The following GRHL2 variants were observed in gnomAD, a reference collection of about 807,000 sequenced individuals.
GRHL2 encodes the protein grainyhead like transcription factor 2, also known as grainyhead-like protein 2 homolog.
GRHL2 carries 21 observed loss-of-function variants against 83.8 expected under a neutral mutation model. The observed-to-expected ratio is 0.25, with a 90% confidence interval of 0.18 to 0.36. The LOEUF is 0.36. Among genes scored for constraint, GRHL2 ranks in the 10% least tolerant of loss-of-function variants. The pLI, the probability that GRHL2 is intolerant of heterozygous loss-of-function variation, is 1.00. For missense variants in GRHL2, 623 were observed against 781.8 expected, an observed-to-expected ratio of 0.80 and a Z score of 2.42; for synonymous variants, 280 against 278.9, an observed-to-expected ratio of 1.00 and a Z score of -0.04.
rs747385578 is a variant in GRHL2 at position 101,644,266 on chromosome 8, G to A, written c.1612+41G>A. Reference sequence around the variant, plus strand: ...GGGCATGCCCTCTCAGAAGGGATGCGGGGTGTCTCTCCCAAGAAGAGCTTG... The same window carrying A: ...GGGCATGCCCTCTCAGAAGGGATGCAGGGTGTCTCTCCCAAGAAGAGCTTG... On this transcript the variant is annotated intron_variant, in intron 13 of 15. Transcript: ENST00000646743. The A allele has an allele frequency of 4.3e-5, 64 of 1,492,544 alleles. No homozygotes were observed. In the Middle Eastern group the frequency reaches 8.1e-4, roughly 19 times the overall value. The allele number at this position is 1,492,544 out of a possible 1,614,324, so 92.5% of individuals were successfully genotyped here.
In GRHL2 at chr8:101,580,499, C is replaced by T. The variant is rs1337980231; in HGVS notation, c.1003+2980C>T. Among the ~76,000 whole-genome samples the T allele has an allele frequency of 2.7e-5, 4 of 146,720 alleles. No individual in the cohort carries two copies. In the East Asian group the frequency reaches 7.9e-4, roughly 29 times the overall value. ...AGCCAGGGTGACCTCAAGTGATCTG[C>T]CTGCCTCGGCCTCCCAAAGTGCTGG... On this transcript the variant is annotated intron_variant, in intron 7 of 15. Coordinates refer to ENST00000646743, the MANE Select transcript of GRHL2 (RefSeq NM_024915.4).
intron 12 of GRHL2, among the ~76,000 whole-genome samples, chr8:101,637,199 G>A (rs35234521): frequency 1.6e-4 from 25 of 151,974 alleles, no homozygotes; most frequent in Non-Finnish European, 5.9e-5. Flanking sequence ...CTAAGGGACC[G>A]ATCCCTTCCA....
chr8:101,517,253 C>T (rs1810591360), intron 1 of GRHL2, among the ~76,000 whole-genome samples: 1 of 152,170 alleles, frequency 6.6e-6, no homozygotes, highest in Non-Finnish European at 1.5e-5. Context: ...CTTCTCCCTG[C>T]CCCCTTCCCA....
intron 1 of GRHL2, among the ~76,000 whole-genome samples, chr8:101,498,364 C>T (rs1810151328): frequency 6.6e-6 from 1 of 152,190 alleles, no homozygotes; most frequent in Admixed American, 6.5e-5. Flanking sequence ...AAGTGATCCA[C>T]CCACCTTAGC....
chr8:101,620,808 A>G (rs966560888), intron 9 of GRHL2, among the ~76,000 whole-genome samples: 1 of 152,182 alleles, frequency 6.6e-6, no homozygotes, highest in African/African-American at 2.4e-5. Flanking sequence ...GAGGGTACAG[A>G]TCTAGTGGAT....
intron 1 of GRHL2, among the ~76,000 whole-genome samples, chr8:101,541,284 C>G (rs558147763): frequency 6.6e-6 from 1 of 151,550 alleles, no homozygotes; most frequent in Non-Finnish European, 1.5e-5. Context: ...AATAAACATA[C>G]AAGTGGAGGT....
rs776382416 is a variant in GRHL2 at position 101,599,157 on chromosome 8, T to C, written c.1098+6T>C. 2.2e-5 allele frequency: 35 copies of C among 1,568,656 alleles called. No homozygotes were observed. In the African/African-American group the frequency reaches 4.5e-4, roughly 20 times the overall value. On this transcript the variant is annotated splice_donor_region_variant and intron_variant, in intron 8 of 15. Transcript: ENST00000646743. ...ACGTGAATGAAGAGGCGAAGGTGAG[T>C]GACATTGATTCATTGTTTATACCTC...
intron 14 of GRHL2, among the ~76,000 whole-genome samples, chr8:101,650,635 G>A (rs764743382): frequency 2.3e-4 from 35 of 152,118 alleles, no homozygotes; most frequent in Non-Finnish European, 4.0e-4. Flanking sequence ...AGGCAAGTTA[G>A]TGGTTGCCAG....
chr8:101,552,302 T>C (rs1311563714), intron 2 of GRHL2, among the ~76,000 whole-genome samples: 1 of 151,856 alleles, frequency 6.6e-6, no homozygotes, highest in Non-Finnish European at 1.5e-5. Flanking sequence ...GAGGGGAGGG[T>C]AGCTCCCTGT....
chr8:101,507,605 T>A lies in GRHL2; in HGVS notation c.20+14816T>A, dbSNP rs564061616. Among the ~76,000 whole-genome samples, 13 of 152,140 alleles carry A rather than the reference T, an allele frequency of 8.5e-5. 1 individual carries two copies. The highest frequency in any genetic ancestry group is 1.5e-4 in the Non-Finnish European group (10 of 68,020). ...TTATATACTGTTTAGTAACATTTTT[T>A]AAATTGATACTTATTACAGATAGCT... On this transcript the variant is annotated intron_variant, in intron 1 of 15. Coordinates refer to ENST00000646743, the MANE Select transcript of GRHL2 (RefSeq NM_024915.4).
chr8:101,628,909 G>A (rs1027702227), intron 9 of GRHL2, among the ~76,000 whole-genome samples: 3 of 152,094 alleles, frequency 2.0e-5, no homozygotes, highest in African/African-American at 7.2e-5. Context: ...GAACATATGA[G>A]GAGTTGCATC....
chr8:101,530,814 C>G (rs891241504), intron 1 of GRHL2, among the ~76,000 whole-genome samples: 1 of 152,152 alleles, frequency 6.6e-6, no homozygotes, highest in African/African-American at 2.4e-5. Flanking sequence ...TGGATATCAT[C>G]CTCTGTTATA....
chr8:101,498,119 A>C (rs1038803468), intron 1 of GRHL2, among the ~76,000 whole-genome samples: 7 of 151,990 alleles, frequency 4.6e-5, no homozygotes, highest in Non-Finnish European at 8.8e-5. Flanking sequence ...TTACATTTTT[A>C]TTTATTTATT....
intron 8 of GRHL2, among the ~76,000 whole-genome samples, chr8:101,606,764 C>T (rs1256547014): frequency 6.6e-6 from 1 of 152,178 alleles, no homozygotes; most frequent in African/African-American, 2.4e-5. Flanking sequence ...TTCCTCCACT[C>T]ACCTCCTCTC....
chr8:101,568,098 T>A (rs1435137047), intron 4 of GRHL2, among the ~76,000 whole-genome samples: 3 of 152,236 alleles, frequency 2.0e-5, no homozygotes, highest in Non-Finnish European at 2.9e-5. Context: ...ATGGAAATTT[T>A]TTTTAATACT....
chr8:101,558,155 G>A (rs1182856957), intron 3 of GRHL2, among the ~76,000 whole-genome samples: 1 of 152,092 alleles, frequency 6.6e-6, no homozygotes, highest in African/African-American at 2.4e-5. Flanking sequence ...ATGAGGCACC[G>A]CGCCTGGCCT....
chr8:101,570,276 T>C (rs1207203931), intron 4 of GRHL2, 63 bp from the exon 5 acceptor site: 35 of 1,182,182 alleles, frequency 3.0e-5, no homozygotes, highest in Non-Finnish European at 1.3e-6. Flanking sequence ...ATACATTTAT[T>C]ATTATCATTT....
At chr8:101,633,568 A>G (rs1382603931) in intron 11 of GRHL2, among the ~76,000 whole-genome samples, 2 of 152,178 alleles carry the variant, frequency 1.3e-5, no homozygotes, top group African/African-American at 2.4e-5. Context: ...GTTATTCATG[A>G]CCCAACATGG....
chr8:101,637,299 G>A (rs1398258562), intron 12 of GRHL2, among the ~76,000 whole-genome samples: 1 of 152,138 alleles, frequency 6.6e-6, no homozygotes, highest in African/African-American at 2.4e-5. Flanking sequence ...ATCAAGATGA[G>A]CTTGAGGCAA....
Sources: gnomAD v4.1 joint callset for allele counts (sites outside exome capture counted in the v4.1 genomes callset) on GRCh38, gnomAD v4.1.1 for gene constraint, MANE v1.5 for transcripts, NCBI Gene and HGNC (gene_info 2026-07-23, HGNC 2026-07-21) for gene names.